The following PDE1C variants were observed in gnomAD, a reference collection of about 807,000 sequenced individuals.
PDE1C encodes dual specificity calcium/calmodulin-dependent 3',5'-cyclic nucleotide phosphodiesterase 1C.
In PDE1C, 62 loss-of-function variants were observed where a neutral mutation model predicts 93.1. The observed-to-expected ratio is 0.67, with a 90% CI of 0.54 to 0.82. The LOEUF (loss-of-function observed/expected upper bound fraction) is 0.82. Among genes scored for constraint, PDE1C ranks in the 40% least tolerant of loss-of-function variants. The pLI, the probability that PDE1C is intolerant of heterozygous loss-of-function variation, is 0.00. For synonymous variants in PDE1C, 325 were observed against 310.1 expected, an observed-to-expected ratio of 1.05 and a Z score of -0.50; for missense variants, 742 against 884.6, an observed-to-expected ratio of 0.84 and a Z score of 2.04.
intron 1 of PDE1C, among the ~76,000 whole-genome samples, chr7:32,332,864 GTTATAC>G (rs944836553): frequency 6.6e-6 from 1 of 152,182 alleles, no homozygotes; most frequent in African/African-American, 2.4e-5. Flanking sequence ...AGTCAGGAGA[GTTATAC>G]TTTTAGGGAG....
intron 1 of PDE1C, among the ~76,000 whole-genome samples, chr7:32,277,293 A>G (rs1585066600): frequency 3.3e-5 from 5 of 152,304 alleles, no homozygotes; most frequent in African/African-American, 9.6e-5. Flanking sequence ...AAGTTTTCCA[A>G]CAATAAGCAA....
At chr7:32,031,404 G>A (rs1001044299) in intron 2 of PDE1C, among the ~76,000 whole-genome samples, 2 of 152,168 alleles carry the variant, frequency 1.3e-5, no homozygotes, top group African/African-American at 4.8e-5. Context: ...GCCACACACT[G>A]ATTAGTAGCA....
chr7:32,413,206 T>C (rs1210693967), intron 1 of PDE1C, among the ~76,000 whole-genome samples: 1 of 152,146 alleles, frequency 6.6e-6, no homozygotes, highest in African/African-American at 2.4e-5. Context: ...GCAACTTAAT[T>C]TTAAATGTAC....
chr7:31,722,410 C>T, the PDE1C span, among the ~76,000 whole-genome samples: 2 of 152,300 alleles, frequency 1.3e-5, no homozygotes, highest in East Asian at 3.9e-4. Context: ...AGACACAAAA[C>T]AGACAAAGTG....
At chr7:31,847,422 T>C (rs2128793777) in intron 9 of PDE1C, among the ~76,000 whole-genome samples, 1 of 152,152 alleles carries the variant, frequency 6.6e-6, no homozygotes, top group Admixed American at 6.6e-5. Flanking sequence ...AATAATTTCC[T>C]TAGAAAATGT....
chr7:32,118,796 A>G (rs1749988963), intron 3 of PDE1C, among the ~76,000 whole-genome samples: 1 of 152,204 alleles, frequency 6.6e-6, no homozygotes, highest in African/African-American at 2.4e-5. Flanking sequence ...TCTTAATACC[A>G]TCATGATGGC....
chr7:31,869,511 T>C (rs966468651), intron 6 of PDE1C, among the ~76,000 whole-genome samples: 2 of 151,660 alleles, frequency 1.3e-5, no homozygotes, highest in African/African-American at 2.4e-5. Flanking sequence ...TCAAAAATGG[T>C]AAAAAGAGAC....
the PDE1C span, among the ~76,000 whole-genome samples, chr7:31,673,711 A>C: frequency 1.9e-5 from 1 of 52,062 alleles, no homozygotes; most frequent in East Asian, 6.0e-4. Flanking sequence ...GGTAGAAACT[A>C]GTTTTTTTTT....
At chr7:32,261,393 T>G (rs1249291427) in intron 1 of PDE1C, among the ~76,000 whole-genome samples, 2 of 151,952 alleles carry the variant, frequency 1.3e-5, no homozygotes. Context: ...CAATCAGCAC[T>G]CCCCACTTCC....
At chr7:32,370,528 A>G (rs1784311297) in intron 1 of PDE1C, among the ~76,000 whole-genome samples, 1 of 151,502 alleles carries the variant, frequency 6.6e-6, no homozygotes, top group African/African-American at 2.4e-5. Flanking sequence ...TGAGCAAACT[A>G]TCACAAGGAC....
chr7:32,070,780 T>G, upstream of PDE1C: 3 of 1,009,130 alleles, frequency 3.0e-6, no homozygotes, highest in South Asian at 4.3e-5. Context: ...GCTAAAGGGT[T>G]TGGAGGTGAA....
chr7:31,788,603 T>A (rs1356472386), intron 16 of PDE1C: 1 of 152,202 alleles, frequency 6.6e-6, no homozygotes, highest in Non-Finnish European at 1.5e-5. Flanking sequence ...AAAGGCCCAC[T>A]ATGAATTGCC....
the PDE1C span, chr7:31,708,359 T>A: frequency 6.6e-6 from 1 of 152,250 alleles, no homozygotes; most frequent in Non-Finnish European, 1.5e-5. Context: ...GCTCTGTATG[T>A]ATGCTGGTTC....
At chr7:31,858,311 T>A (rs532231204) in intron 7 of PDE1C, among the ~76,000 whole-genome samples, 1 of 152,216 alleles carries the variant, frequency 6.6e-6, no homozygotes, top group South Asian at 2.1e-4. Context: ...TTCTGAGCCA[T>A]AGAATTTAAA....
chr7:32,253,178 A>G (rs1809516973), intron 1 of PDE1C, among the ~76,000 whole-genome samples: 1 of 152,238 alleles, frequency 6.6e-6, no homozygotes, highest in Admixed American at 6.5e-5. Context: ...CCTATGAAGT[A>G]GGCATCAACA....
At chr7:31,906,202 C>G (rs770138854) in intron 2 of PDE1C, among the ~76,000 whole-genome samples, 2 of 152,180 alleles carry the variant, frequency 1.3e-5, no homozygotes, top group Non-Finnish European at 2.9e-5. Flanking sequence ...TAAACATTCT[C>G]AAGTCATGTC....
chr7:32,265,467 T>C (rs906665497), intron 1 of PDE1C, among the ~76,000 whole-genome samples: 8 of 152,150 alleles, frequency 5.3e-5, no homozygotes, highest in African/African-American at 1.9e-4. Context: ...TTAAGGGCAA[T>C]GTAATGGACG....
chr7:31,631,508 T>C, the PDE1C span, among the ~76,000 whole-genome samples: 1 of 152,348 alleles, frequency 6.6e-6, no homozygotes, highest in African/African-American at 2.4e-5. Flanking sequence ...TTTTTATTTT[T>C]CCAAATTTTC....
intron 2 of PDE1C, among the ~76,000 whole-genome samples, chr7:32,022,964 T>A (rs886633571): frequency 3.7e-5 from 3 of 80,712 alleles, no homozygotes; most frequent in African/African-American, 2.5e-4. Context: ...CTTCTATTTC[T>A]TTTTTTTTTT....
Sources: allele counts gnomAD v4.1 joint callset (sites outside exome capture counted in the v4.1 genomes callset), GRCh38; gene constraint gnomAD v4.1.1; transcripts MANE v1.5; gene names NCBI Gene and HGNC (gene_info 2026-07-23, HGNC 2026-07-21).